PANK4: variants seen among roughly 807,000 people sequenced by gnomAD.
The protein encoded by PANK4 is pantothenate kinase 4 (inactive), also known as 4'-phosphopantetheine phosphatase.
A neutral mutation model predicts 87.9 loss-of-function variants in PANK4; 40 were observed. That is an observed-to-expected ratio of 0.46 (90% CI 0.35 to 0.59). The LOEUF (loss-of-function observed/expected upper bound fraction) is 0.59. Ranked by LOEUF, PANK4 falls within the 20% of genes least tolerant of loss-of-function variation. The probability of loss-of-function intolerance (pLI) is 0.00; values close to 1 mark genes in which losing one functional copy is unlikely to be tolerated. For synonymous variants in PANK4, 524 were observed against 467.4 expected (o/e 1.12, Z -1.56); for missense variants, 926 against 1,072.3 (o/e 0.86, Z 1.90).
chr1:2,518,456 A>ACAGGCC, intron 8 of PANK4, 60 bp downstream of exon 8: 1 of 1,419,072 alleles, frequency 7.0e-7, no homozygotes, highest in Non-Finnish European at 9.7e-7. Flanking sequence ...GGCCTGGAGC[A>ACAGGCC]CAGGCCCAGG....
chr1:2,516,002 G>A (rs1486531501), intron 9 of PANK4: 5 of 517,780 alleles, frequency 9.7e-6, no homozygotes, highest in Middle Eastern at 5.2e-4. Context: ...CCCAATCACC[G>A]CTGCAGTCAC....
rs1643851081 is a variant in PANK4, at chr1:2,519,669, A to C, written c.853+132T>G. 2 of 926,594 alleles carry C rather than the reference A, an allele frequency of 2.2e-6. No individual in the cohort carries two copies. Among genetic ancestry groups the C allele is most frequent in the Admixed American group, 2.9e-5 (1 of 33,900 alleles). The allele number at this position is 926,594 out of a possible 1,614,324, so 57.4% of individuals were successfully genotyped here. A position where few individuals can be genotyped will look rare whatever the true frequency, so the allele number is the denominator to read the frequency against. On this transcript the variant is annotated intron_variant, in intron 6 of 18. Coordinates refer to ENST00000378466, the MANE Select transcript of PANK4 (RefSeq NM_018216.4). This position sits in a 1 kb window ranked among gnomAD's most constrained non-coding sequence, Gnocchi z 8.3. ...CAGCGACTCGGCAGGAAGAGGTTAC[A>C]GGGCTGACACCCAAGACCCCGACTC...
At position 2,515,522 on chromosome 1, in the gene PANK4, G is replaced by T; in HGVS notation, c.1374+40C>A. On this transcript the variant is annotated intron_variant, in intron 10 of 18. Transcript: ENST00000378466. This position sits in a 1 kb window ranked among gnomAD's most constrained non-coding sequence, Gnocchi z 5.0. ...GGAGCCTTGGAAGGTTAACCCGGCT[G>T]CGGCCTTGGAATCGTCTAGACGGCA... 1 of 1,604,394 alleles carries T rather than the reference G, an allele frequency of 6.2e-7. No individual in the cohort carries two copies. The highest frequency in any genetic ancestry group is 8.5e-7 in the Non-Finnish European group (1 of 1,173,056).
In PANK4 at chr1:2,508,843, C is replaced by G. The variant is rs745765431; in HGVS notation, c.*4G>C. The G allele has an allele frequency of 1.3e-6, 2 of 1,543,674 alleles. No individual in the cohort carries two copies. The highest frequency in any genetic ancestry group is 2.7e-5 in the African/African-American group (2 of 73,658). The stretch of plus-strand genomic sequence containing the variant: ...AAGCAGAAGAGTCCGGCAGCTGCAG[C>G]GCCTCACTCGGCTGGGACCTCGTAC... On this transcript the variant is annotated 3_prime_UTR_variant, in exon 19 of 19. Coordinates refer to ENST00000378466, the MANE Select transcript of PANK4 (RefSeq NM_018216.4). The surrounding 1 kb of genome is among the most constrained non-coding windows in gnomAD (Gnocchi z 5.1).
In PANK4 at chr1:2,521,900, C is replaced by T. The variant is rs1168055463; in HGVS notation, c.125-100G>A. The T allele has an allele frequency of 4.4e-6, 4 of 904,352 alleles. No homozygotes were observed. The African/African-American group carries it at 4.9e-5, about 11-fold the overall frequency. 56.0% of individuals were successfully genotyped at this position (904,352 alleles called of 1,614,324 possible). A position where few individuals can be genotyped will look rare whatever the true frequency, so the allele number is the denominator to read the frequency against. On this transcript the variant is annotated intron_variant, in intron 1 of 18. Transcript: ENST00000378466. ...CTCTGGGTGTCCTGGAGACTAAAGTCTCTGTAGATGAGGGGTTTGGGGCTA... is the reference window on the plus strand; with the variant it reads ...CTCTGGGTGTCCTGGAGACTAAAGTTTCTGTAGATGAGGGGTTTGGGGCTA...
chr1:2,518,786 G>A (rs563250404), intron 7 of PANK4, among the ~76,000 whole-genome samples, 189 bp from the exon 8 acceptor site: 1 of 152,384 alleles, frequency 6.6e-6, no homozygotes, highest in African/African-American at 2.4e-5. Context: ...TTTGAAGAAA[G>A]CTAAGGGTGA....
At position 2,514,399 on chromosome 1, in the gene PANK4, C is replaced by T. The variant is rs142775206; in HGVS notation, c.1442G>A (p.Arg481Gln). The change falls in exon 11 of 19, where the codon CGG becomes CAG. Residue 481 changes from arginine to glutamine, a missense_variant. Transcript: ENST00000378466. ...VDAAERAEKF[R>Q]QKYWNKLQTL... The stretch of plus-strand genomic sequence containing the variant: ...CTGAAGCTTGTTCCAGTACTTCTGC[C>T]GGAACTTCTCCGCCCTCTCGGCTGC... 1.8e-4 allele frequency: 283 copies of T among 1,612,404 alleles called. No individual in the cohort carries two copies. In the African/African-American group the frequency reaches 2.9e-3, roughly 17 times the overall value.
rs753649057 is a variant in PANK4 at position 2,520,903 on chromosome 1, G to A, written c.426C>T (p.Val142=). The A allele has an allele frequency of 3.9e-6, 6 of 1,546,452 alleles. No individual in the cohort carries two copies. Among genetic ancestry groups the A allele is most frequent in the South Asian group, 3.8e-5 (3 of 79,036 alleles). The change falls in exon 4 of 19, where the codon GTC becomes GTT. Residue 142 remains valine (V), a synonymous_variant. Coordinates refer to ENST00000378466, the MANE Select transcript of PANK4 (RefSeq NM_018216.4). This position sits in a 1 kb window ranked among gnomAD's most constrained non-coding sequence, Gnocchi z 6.2. The part of the protein sequence containing the change: ...DLIEEKLRLK[V]DKEDVMTCLI... ...GGCACGTCATCACGTCCTCCTTGTCGACTCTGAAAAGGAAGCGCCAACCCC... is the reference window on the plus strand; with the variant it reads ...GGCACGTCATCACGTCCTCCTTGTCAACTCTGAAAAGGAAGCGCCAACCCC...
At chr1:2,511,579 G>A (rs1557437108) in intron 14 of PANK4, 49 bp downstream of exon 14, 1 of 1,338,860 alleles carries the variant, frequency 7.5e-7, no homozygotes, top group Non-Finnish European at 1.1e-6. Flanking sequence ...GAACGTCCAG[G>A]CATGGCCCCA....
At chr1:2,517,878 A>T (rs1643811152) in intron 9 of PANK4, among the ~76,000 whole-genome samples, 1 of 152,198 alleles carries the variant, frequency 6.6e-6, no homozygotes, top group Non-Finnish European at 1.5e-5. Context: ...GTCACCCCTG[A>T]ACTTTAGCAA....
rs554850074 is a variant in PANK4, at chr1:2,513,229, G to A, written c.1576-190C>T. 8.5e-5 allele frequency among the ~76,000 whole-genome samples: 13 copies of A among 152,364 alleles called. No individual in the cohort carries two copies. The South Asian group carries it at 2.5e-3, about 29-fold the overall frequency. ...GCGCACAGCTGCACGGGGCTCTGAG[G>A]ACGAGGCCCAGGACAACTTCAGCCC... On this transcript the variant is annotated intron_variant, in intron 12 of 18. Transcript: ENST00000378466.
At chr1:2,512,411 G>A (rs973881432) in intron 13 of PANK4, 1 of 156,620 alleles carries the variant, frequency 6.4e-6, no homozygotes, top group African/African-American at 2.4e-5. Flanking sequence ...CTTTGGGAGT[G>A]AAGGTAAATG....
In PANK4 at chr1:2,511,631, G is replaced by A; in HGVS notation, c.1780C>T (p.Gln594Ter). ...CAAGTTACTTGGCCATCCGTACCTT[G>A]TAACTTCCTCTTTGCTTCTTCAAAC... ...FGFEEAKRKL[Q>*]ERPWLVDSYS... Residue 594 changes from glutamine (Q) to a stop codon, truncating the protein, a stop_gained, in exon 14 of 19, where the codon CAA becomes TAA. Coordinates refer to ENST00000378466, the MANE Select transcript of PANK4 (RefSeq NM_018216.4). LOFTEE classifies it high-confidence loss of function. The A allele has an allele frequency of 6.2e-7, 1 of 1,605,954 alleles. No individual in the cohort carries two copies. The highest frequency in any genetic ancestry group is 1.3e-5 in the African/African-American group (1 of 74,920).
At chr1:2,511,255 C>A in intron 15 of PANK4, 83 bp downstream of exon 15, 1 of 939,730 alleles carries the variant, frequency 1.1e-6, no homozygotes, top group South Asian at 1.3e-5. Flanking sequence ...CCCGAGGCAG[C>A]CCATGCCCAC....
Position 2,520,032 on chromosome 1 carries a change from G to T in PANK4, c.700-78C>A. On this transcript the variant is annotated intron_variant, in intron 5 of 18. Transcript: ENST00000378466. This position sits in a 1 kb window ranked among gnomAD's most constrained non-coding sequence, Gnocchi z 6.2. ...CACGACCCCAGAAACCAAGCCCATG[G>T]CAGGAGGCACGCGCGGGCAGGGGGT... is the stretch of plus-strand genomic sequence containing the variant. 2 of 1,393,834 alleles carry T rather than the reference G, an allele frequency of 1.4e-6. No homozygotes were observed. Among genetic ancestry groups the T allele is most frequent in the Non-Finnish European group, 9.6e-7 (1 of 1,036,568 alleles). The allele number at this position is 1,393,834 out of a possible 1,614,324, so 86.3% of individuals were successfully genotyped here. A position where few individuals can be genotyped will look rare whatever the true frequency, so the allele number is the denominator to read the frequency against.
At chr1:2,513,945 C>T (rs919009952) in intron 12 of PANK4, 57 bp downstream of exon 12, 36 of 1,266,150 alleles carry the variant, frequency 2.8e-5, no homozygotes, top group Admixed American at 5.0e-5. Context: ...ACAGGACACG[C>T]GGTGCCAGCG....
At chr1:2,517,429 C>T (rs2494594) in intron 9 of PANK4, among the ~76,000 whole-genome samples, 5,588 of 152,334 alleles carry the variant, frequency 0.037, 263 homozygotes, top group African/African-American at 0.11. Context: ...CTGAGGGGTC[C>T]GACTAGCTTT....
At position 2,515,851 on chromosome 1, in the gene PANK4, C is replaced by T. The variant is rs111246592; in HGVS notation, c.1219-134G>A. 6.2e-5 allele frequency: 57 copies of T among 923,470 alleles called. No individual in the cohort carries two copies. Among genetic ancestry groups the T allele is most frequent in the Admixed American group, 2.2e-4 (9 of 40,480 alleles). 57.2% of individuals were successfully genotyped at this position (923,470 alleles called of 1,614,324 possible). On this transcript the variant is annotated intron_variant, in intron 9 of 18. Transcript: ENST00000378466. The surrounding 1 kb of genome is among the most constrained non-coding windows in gnomAD (Gnocchi z 5.0). ...TTCCGCCACGTCTCTGGGCCACAGA[C>T]GAGACCCCCACTGGGCCCCCTCAGC...
Position 2,509,994 on chromosome 1 carries a change from C to G in PANK4, c.2039+63G>C, listed in dbSNP as rs1251336407. The G allele has an allele frequency of 8.9e-6, 14 of 1,577,736 alleles. No individual in the cohort carries two copies. Among genetic ancestry groups the G allele is most frequent in the Non-Finnish European group, 1.1e-5 (13 of 1,155,442 alleles). On this transcript the variant is annotated intron_variant, in intron 17 of 18. Coordinates refer to ENST00000378466, the MANE Select transcript of PANK4 (RefSeq NM_018216.4). The surrounding 1 kb of genome is among the most constrained non-coding windows in gnomAD (Gnocchi z 4.9). ...CAGTTCAGTGACAATCCCCATGGCC[C>G]ACTCTGCCCAGCTGGTGCCCCTCCC...
Sources: gnomAD v4.1 joint callset for allele counts (sites outside exome capture counted in the v4.1 genomes callset) on GRCh38, gnomAD v4.1.1 for gene constraint, Gnocchi (gnomAD v3.1) non-coding constraint, MANE v1.5 for transcripts, NCBI Gene and HGNC (gene_info 2026-07-23, HGNC 2026-07-21) for gene names.